Variants in OR51G1 observed in about 807,000 individuals in gnomAD.
OR51G1 encodes the protein olfactory receptor 51G1.
For synonymous variants in OR51G1, 163 were observed against 156.9 expected, an observed-to-expected ratio of 1.04 and a Z score of -0.29; for missense variants, 454 against 396.0, an observed-to-expected ratio of 1.15 and a Z score of -1.24.
Position 4,924,244 on chromosome 11 carries a change from G to C in OR51G1, c.96C>G (p.Pro32=), listed in dbSNP as rs1851235289. The C allele has an allele frequency of 6.2e-7, 1 of 1,614,194 alleles. No individual in the cohort carries two copies. Among genetic ancestry groups the C allele is most frequent in the Non-Finnish European group, 8.5e-7 (1 of 1,180,028 alleles). The change falls in exon 1 of 1, where the codon CCC becomes CCG. Residue 32 remains proline, a synonymous_variant. Coordinates refer to ENST00000623849, the MANE Select transcript of OR51G1 (RefSeq NM_001005237.1). The stretch of plus-strand genomic sequence containing the variant: ...TAACTGTCAGGTAGATGAAGCAGAA[G>C]GGAATAGAGATCCAGCCATGGAGAC... ...LEGLHGWISI[P]FCFIYLTVIL...
Position 4,923,505 on chromosome 11 carries a change from A to T in OR51G1, c.835T>A (p.Ser279Thr). The T allele has an allele frequency of 6.2e-7, 1 of 1,614,176 alleles. No individual in the cohort carries two copies. Among genetic ancestry groups the T allele is most frequent in the Non-Finnish European group, 8.5e-7 (1 of 1,180,016 alleles). ...GGTGGTACCAGCAGATACACATAGG[A>T]CATGAAGAGGTGTACAACGCGGGGC... ...HLPRVVHLFMSYVYLLVPPLM... is the reference protein window; with the variant it reads ...HLPRVVHLFMTYVYLLVPPLM... Residue 279 changes from serine (S) to threonine (T), a missense_variant, in exon 1 of 1, where the codon TCC becomes ACC. By Grantham distance (58) the Ser-to-Thr change is moderately conservative (BLOSUM62 1). Coordinates refer to ENST00000623849, the MANE Select transcript of OR51G1 (RefSeq NM_001005237.1).
rs1316580547 is a variant in OR51G1 at position 4,924,298 on chromosome 11, G to T, written c.42C>A (p.Phe14Leu). The change falls in exon 1 of 1, where the codon TTC (phenylalanine) becomes TTA (leucine). Residue 14 changes from phenylalanine to leucine, a missense_variant. Coordinates refer to ENST00000623849, the MANE Select transcript of OR51G1 (RefSeq NM_001005237.1). ...CTAGACCTTGGAAGCCCGTCAGGAA[G>T]AAAGTGGCTCTTTGGAGGCTGCTAT... ...LLNSSLQRAT[F>L]FLTGFQGLEG... 6.2e-7 allele frequency: 1 copy of T among 1,613,128 alleles called. No individual in the cohort carries two copies.
chr11:4,923,791 G>A lies in OR51G1; in HGVS notation c.549C>T (p.His183=), dbSNP rs1450829745. The A allele has an allele frequency of 2.5e-6, 4 of 1,613,910 alleles. No individual in the cohort carries two copies. The highest frequency in any genetic ancestry group is 2.2e-5 in the South Asian group (2 of 91,072). The change falls in exon 1 of 1, where the codon CAC becomes CAT. Residue 183 remains histidine (H), a synonymous_variant. Transcript: ENST00000623849. ...AGCAGGCCAGCTTCATGATCTCCAG[G>A]TGAAGACAATAAGCATGAGCCAGCA... ...SHVLAHAYCL[H]LEIMKLACSS...
At position 4,923,940 on chromosome 11, in the gene OR51G1, C is replaced by G; in HGVS notation, c.400G>C (p.Asp134His). Residue 134 changes from aspartate (D) to histidine (H), a missense_variant, in exon 1 of 1, where the codon GAC (aspartate) becomes CAC (histidine). By Grantham distance (81) the Asp-to-His change is moderately conservative (BLOSUM62 -1). Transcript: ENST00000623849. ...RYVAVCNPLH[D>H]STVLTPACIV... Reference sequence around the variant, plus strand: ...CATGCAGGTGTCAGGACGGTGGAGTCATGCAGTGGGTTGCAGACGGCCACG... The same window carrying G: ...CATGCAGGTGTCAGGACGGTGGAGTGATGCAGTGGGTTGCAGACGGCCACG... 1.2e-6 allele frequency: 2 copies of G among 1,614,122 alleles called. No individual in the cohort carries two copies. The highest frequency in any genetic ancestry group is 1.7e-6 in the Non-Finnish European group (2 of 1,180,040).
chr11:4,923,581 G>A lies in OR51G1; in HGVS notation c.759C>T (p.Phe253=). The A allele has an allele frequency of 6.2e-7, 1 of 1,614,116 alleles. No individual in the cohort carries two copies. Among genetic ancestry groups the A allele is most frequent in the Non-Finnish European group, 8.5e-7 (1 of 1,180,016 alleles). ...CVSHICAVLL[F]YIPMIGLSLV... ...GAGACAAGCCAATCATGGGGATGTA[G>A]AAGAGCAGTACAGCACAGATATGAG... Residue 253 remains phenylalanine, a synonymous_variant, in exon 1 of 1, where the codon TTC becomes TTT. Transcript: ENST00000623849.
At position 4,923,872 on chromosome 11, in the gene OR51G1, G is replaced by A. The variant is rs757246768; in HGVS notation, c.468C>T (p.Leu156=). 10 of 1,614,020 alleles carry A rather than the reference G, an allele frequency of 6.2e-6. No homozygotes were observed. The highest frequency in any genetic ancestry group is 2.2e-5 in the East Asian group (1 of 44,872). Residue 156 remains leucine, a synonymous_variant, in exon 1 of 1, where the codon CTC becomes CTT. Coordinates refer to ENST00000623849, the MANE Select transcript of OR51G1 (RefSeq NM_001005237.1). ...GGAGGAATGGCAAGGGGAGGATGAG[G>A]AGAGCACTTCTAAGCACTGAGCTTA... The part of the protein sequence containing the change: ...MGLSSVLRSA[L]LILPLPFLLK...
rs750382799 is a variant in OR51G1, at chr11:4,923,964, C to T, written c.376G>A (p.Val126Met). 23 of 1,613,900 alleles carry T rather than the reference C, an allele frequency of 1.4e-5. No homozygotes were observed. The highest frequency in any genetic ancestry group is 3.3e-4 in the Middle Eastern group (2 of 6,078). Residue 126 changes from valine to methionine, a missense_variant, in exon 1 of 1, where the codon GTG (valine) becomes ATG (methionine). Physicochemically the swap from Val to Met is conservative, Grantham distance 21 (BLOSUM62 1). Transcript: ENST00000623849. ...VLLSMSIDRY[V>M]AVCNPLHDST... Reference sequence around the variant, plus strand: ...TCATGCAGTGGGTTGCAGACGGCCACGTAGCGGTCAATGGACATGGATAAC... The same window carrying T: ...TCATGCAGTGGGTTGCAGACGGCCATGTAGCGGTCAATGGACATGGATAAC...
Position 4,923,704 on chromosome 11 carries a change from G to T in OR51G1, c.636C>A (p.Asp212Glu). The T allele has an allele frequency of 6.2e-7, 1 of 1,614,056 alleles. No homozygotes were observed. The highest frequency in any genetic ancestry group is 8.5e-7 in the Non-Finnish European group (1 of 1,180,014). ...CGTATGAGAGAAAGATGAGCAGGGA[G>T]TCCACACCCACGGTGCAGGCCACAA... ...LFVVACTVGV[D>E]SLLIFLSYAL... Residue 212 changes from aspartate (D) to glutamate (E), a missense_variant, in exon 1 of 1, where the codon GAC (aspartate) becomes GAA (glutamate). Coordinates refer to ENST00000623849, the MANE Select transcript of OR51G1 (RefSeq NM_001005237.1).
Position 4,923,993 on chromosome 11 carries a change from A to G in OR51G1, c.347T>C (p.Val116Ala). 8 of 1,614,160 alleles carry G rather than the reference A, an allele frequency of 5.0e-6. No individual in the cohort carries two copies. The highest frequency in any genetic ancestry group is 6.8e-6 in the Non-Finnish European group (8 of 1,180,034). ...GCGGTCAATGGACATGGATAACAGA[A>G]CTGATGACTCCATTGAAGACAAGGT... is the stretch of plus-strand genomic sequence containing the variant. ...IHTLSSMESS[V>A]LLSMSIDRYV... The change falls in exon 1 of 1, where the codon GTT (valine) becomes GCT (alanine). Residue 116 changes from valine (V) to alanine (A), a missense_variant. By Grantham distance (64) the Val-to-Ala change is moderately conservative. Transcript: ENST00000623849.
chr11:4,923,886 G>A lies in OR51G1; in HGVS notation c.454C>T (p.Leu152Phe), dbSNP rs1385328677. Residue 152 changes from leucine (L) to phenylalanine (F), a missense_variant, in exon 1 of 1, where the codon CTT (leucine) becomes TTT (phenylalanine). Physicochemically the swap from Leu to Phe is conservative, Grantham distance 22. Transcript: ENST00000623849. ...GGGAGGATGAGGAGAGCACTTCTAA[G>A]CACTGAGCTTAGCCCCATCTTGACA... is the stretch of plus-strand genomic sequence containing the variant. The part of the protein sequence containing the change: ...CIVKMGLSSV[L>F]RSALLILPLP... 5 of 1,613,944 alleles carry A rather than the reference G, an allele frequency of 3.1e-6. No individual in the cohort carries two copies. The African/African-American group carries it at 5.3e-5, about 17-fold the overall frequency.
chr11:4,924,327 G>C lies in OR51G1; in HGVS notation c.13C>G (p.Leu5Val). 6.2e-7 allele frequency: 1 copy of C among 1,606,062 alleles called. No homozygotes were observed. The change falls in exon 1 of 1, where the codon CTT becomes GTT. Residue 5 changes from leucine to valine, a missense_variant. Physicochemically the swap from Leu to Val is conservative, Grantham distance 32. Transcript: ENST00000623849. ...GTGGCTCTTTGGAGGCTGCTATTAA[G>C]AAGAATTGTCATAGCTTTACAATCT... is the stretch of plus-strand genomic sequence containing the variant. MTIL[L>V]NSSLQRATFF...
Position 4,923,969 on chromosome 11 carries a change from C to A in OR51G1, c.371G>T (p.Arg124Leu). ...CAGTGGGTTGCAGACGGCCACGTAGCGGTCAATGGACATGGATAACAGAAC... is the reference window on the plus strand; with the variant it reads ...CAGTGGGTTGCAGACGGCCACGTAGAGGTCAATGGACATGGATAACAGAAC... ...SSVLLSMSID[R>L]YVAVCNPLHD... is the part of the protein sequence containing the mutation. The change falls in exon 1 of 1, where the codon CGC becomes CTC. Residue 124 changes from arginine to leucine, a missense_variant. Arg to Leu is a moderately radical substitution (Grantham distance 102). Transcript: ENST00000623849. 3 of 1,613,948 alleles carry A rather than the reference C, an allele frequency of 1.9e-6. No individual in the cohort carries two copies. The highest frequency in any genetic ancestry group is 1.1e-5 in the South Asian group (1 of 91,074).
At position 4,923,931 on chromosome 11, in the gene OR51G1, C is replaced by T. The variant is rs145607331; in HGVS notation, c.409G>A (p.Val137Ile). The T allele has an allele frequency of 1.4e-3, 2,181 of 1,614,050 alleles. 33 individuals carry two copies. The highest frequency in any genetic ancestry group is 0.012 in the South Asian group (1,084 of 91,062). Residue 137 changes from valine (V) to isoleucine (I), a missense_variant, in exon 1 of 1, where the codon GTC (valine) becomes ATC (isoleucine). Coordinates refer to ENST00000623849, the MANE Select transcript of OR51G1 (RefSeq NM_001005237.1). Reference sequence around the variant, plus strand: ...TTGACAATACATGCAGGTGTCAGGACGGTGGAGTCATGCAGTGGGTTGCAG... The same window carrying T: ...TTGACAATACATGCAGGTGTCAGGATGGTGGAGTCATGCAGTGGGTTGCAG... ...AVCNPLHDST[V>I]LTPACIVKMG...
In OR51G1 at chr11:4,923,937, A is replaced by C. The variant is rs1851226691; in HGVS notation, c.403T>G (p.Ser135Ala). 1 of 1,614,068 alleles carries C rather than the reference A, an allele frequency of 6.2e-7. No homozygotes were observed. The highest frequency in any genetic ancestry group is 1.3e-5 in the African/African-American group (1 of 74,930). Residue 135 changes from serine (S) to alanine (A), a missense_variant, in exon 1 of 1, where the codon TCC (serine) becomes GCC (alanine). Coordinates refer to ENST00000623849, the MANE Select transcript of OR51G1 (RefSeq NM_001005237.1). ...ATACATGCAGGTGTCAGGACGGTGG[A>C]GTCATGCAGTGGGTTGCAGACGGCC... The part of the protein sequence containing the change: ...YVAVCNPLHD[S>A]TVLTPACIVK...
chr11:4,923,691 A>G lies in OR51G1; in HGVS notation c.649T>C (p.Phe217Leu). The part of the protein sequence containing the change: ...CTVGVDSLLI[F>L]LSYALILRTV... The stretch of plus-strand genomic sequence containing the variant: ...CGAAGGATGAGGGCGTATGAGAGAA[A>G]GATGAGCAGGGAGTCCACACCCACG... Residue 217 changes from phenylalanine (F) to leucine (L), a missense_variant, in exon 1 of 1, where the codon TTT (phenylalanine) becomes CTT (leucine). Transcript: ENST00000623849. The G allele has an allele frequency of 1.2e-6, 2 of 1,614,122 alleles. No individual in the cohort carries two copies. Among genetic ancestry groups the G allele is most frequent in the South Asian group, 1.1e-5 (1 of 91,074 alleles).
At position 4,924,285 on chromosome 11, in the gene OR51G1, A is replaced by C. The variant is rs999057653; in HGVS notation, c.55T>G (p.Phe19Val). ...LQRATFFLTG[F>V]QGLEGLHGWI... ...CCATGGAGACCTTCTAGACCTTGGA[A>C]GCCCGTCAGGAAGAAAGTGGCTCTT... Residue 19 changes from phenylalanine (F) to valine (V), a missense_variant, in exon 1 of 1, where the codon TTC (phenylalanine) becomes GTC (valine). By Grantham distance (50) the Phe-to-Val change is conservative. Transcript: ENST00000623849. The C allele has an allele frequency of 1.9e-6, 3 of 1,613,804 alleles. No individual in the cohort carries two copies. Among genetic ancestry groups the C allele is most frequent in the Non-Finnish European group, 2.5e-6 (3 of 1,179,882 alleles).
In OR51G1 at chr11:4,924,070, A is replaced by G. The variant is rs528693698; in HGVS notation, c.270T>C (p.Asp90=). The G allele has an allele frequency of 1.2e-6, 2 of 1,614,170 alleles. No homozygotes were observed. Among genetic ancestry groups the G allele is most frequent in the South Asian group, 1.1e-5 (1 of 91,080 alleles). ...LPTVLGIFWF[D]TREIGIPACF... is the part of the protein sequence containing the mutation. ...AGGCAGGGATGCCAATCTCTCTGGT[A>G]TCAAACCAGAAAATGCCCAGCACAG... Residue 90 remains aspartate, a synonymous_variant, in exon 1 of 1, where the codon GAT becomes GAC. Transcript: ENST00000623849.
rs568109165 is a variant in OR51G1 at position 4,923,840 on chromosome 11, C to T, written c.500G>A (p.Arg167His). Reference sequence around the variant, plus strand: ...CACATGGGAGTGGCAGTATTGGAAGCGCTTCAGGAGGAATGGCAAGGGGAG... The same window carrying T: ...CACATGGGAGTGGCAGTATTGGAAGTGCTTCAGGAGGAATGGCAAGGGGAG... ...LILPLPFLLK[R>H]FQYCHSHVLA... The change falls in exon 1 of 1, where the codon CGC becomes CAC. Residue 167 changes from arginine (R) to histidine (H), a missense_variant. Physicochemically the swap from Arg to His is conservative, Grantham distance 29. Transcript: ENST00000623849. The T allele has an allele frequency of 2.8e-5, 45 of 1,613,928 alleles. No individual in the cohort carries two copies. The highest frequency in any genetic ancestry group is 1.3e-4 in the Admixed American group (8 of 59,996).
rs1851223300 is a variant in OR51G1 at position 4,923,797 on chromosome 11, A to G, written c.543T>C (p.Cys181=). The change falls in exon 1 of 1, where the codon TGT becomes TGC. Residue 181 remains cysteine (C), a synonymous_variant. Transcript: ENST00000623849. ...CHSHVLAHAY[C]LHLEIMKLAC... ...CCAGCTTCATGATCTCCAGGTGAAGACAATAAGCATGAGCCAGCACATGGG... is the reference window on the plus strand; with the variant it reads ...CCAGCTTCATGATCTCCAGGTGAAGGCAATAAGCATGAGCCAGCACATGGG... The G allele has an allele frequency of 6.2e-7, 1 of 1,613,918 alleles. No homozygotes were observed. Among genetic ancestry groups the G allele is most frequent in the African/African-American group, 1.3e-5 (1 of 74,902 alleles).
Sources: gnomAD v4.1 joint callset for allele counts on GRCh38, gnomAD v4.1.1 for gene constraint, MANE v1.5 for transcripts, NCBI Gene and HGNC (gene_info 2026-07-23, HGNC 2026-07-21) for gene names.